The following CSMD1 variants were observed in gnomAD, a reference collection of about 807,000 sequenced individuals.
The protein encoded by CSMD1 is CUB and Sushi multiple domains 1, also known as CUB and sushi domain-containing protein 1.
A neutral mutation model predicts 417.5 loss-of-function variants in CSMD1; 213 were observed. The ratio of observed to expected loss-of-function variants is 0.51; its 90% CI spans 0.46 to 0.57. CSMD1 has a LOEUF of 0.57. CSMD1 is among the 20% of genes least tolerant of loss of function. The probability of loss-of-function intolerance (pLI) is 0.00; values close to 1 mark genes in which losing one functional copy is unlikely to be tolerated. For missense variants in CSMD1, 6,923 were observed against 4,529.7 expected (o/e 1.53, Z -15.17); for synonymous variants, 2,862 against 1,736.8 (o/e 1.65, Z -16.11).
intron 2 of CSMD1, among the ~76,000 whole-genome samples, chr8:4,436,912 C>A (rs531492142): frequency 6.6e-6 from 1 of 152,138 alleles, no homozygotes; most frequent in African/African-American, 2.4e-5. Context: ...TTTATCCATT[C>A]ATCTGTTGAT....
chr8:4,963,119 G>C (rs1044661866), intron 1 of CSMD1, among the ~76,000 whole-genome samples: 1 of 152,160 alleles, frequency 6.6e-6, no homozygotes, highest in Non-Finnish European at 1.5e-5. Flanking sequence ...TATTTCCCAT[G>C]GGTGGCCCTC....
chr8:4,065,702 T>C (rs1027632426), intron 3 of CSMD1, among the ~76,000 whole-genome samples: 1 of 152,232 alleles, frequency 6.6e-6, no homozygotes, highest in East Asian at 1.9e-4. Context: ...GAACACCACA[T>C]GTATCTGTGC....
At chr8:4,908,027 T>C (rs1805413960) in intron 1 of CSMD1, among the ~76,000 whole-genome samples, 1 of 147,890 alleles carries the variant, frequency 6.8e-6, no homozygotes, top group African/African-American at 2.7e-5. Context: ...ATAATTACTT[T>C]TCTTCTGTGG....
chr8:4,047,195 T>C (rs3849820), intron 3 of CSMD1, among the ~76,000 whole-genome samples: 17,362 of 152,226 alleles, frequency 0.11, 1,521 homozygotes, highest in East Asian at 0.35. Context: ...CCAGATGCTC[T>C]GTAGTAACTC....
chr8:4,078,896 AATAT>A (rs1173719388), intron 3 of CSMD1, among the ~76,000 whole-genome samples: 1,141 of 42,608 alleles, frequency 0.027, 12 homozygotes, highest in African/African-American at 0.049. Flanking sequence ...AATAATAATA[AATAT>A]ATATATATAT....
intron 6 of CSMD1, among the ~76,000 whole-genome samples, chr8:3,738,877 T>G (rs923404734): frequency 1.3e-5 from 2 of 152,204 alleles, no homozygotes; most frequent in African/African-American, 2.4e-5. Flanking sequence ...GGCATTCATA[T>G]TTCATTCATA....
At chr8:4,002,417 T>A (rs1403327765) in intron 4 of CSMD1, among the ~76,000 whole-genome samples, 1 of 152,258 alleles carries the variant, frequency 6.6e-6, no homozygotes, top group African/African-American at 2.4e-5. Flanking sequence ...CTAACTAATA[T>A]GTTTGATGAG....
At chr8:3,453,755 G>C (rs565344428) in intron 12 of CSMD1, among the ~76,000 whole-genome samples, 83 of 152,270 alleles carry the variant, frequency 5.5e-4, no homozygotes, top group African/African-American at 2.0e-3. Flanking sequence ...TTTGGAATAG[G>C]TGTGGTATGG....
chr8:3,436,306 G>T (rs6984069), intron 12 of CSMD1, among the ~76,000 whole-genome samples: 1 of 151,944 alleles, frequency 6.6e-6, no homozygotes, highest in African/African-American at 2.4e-5. Context: ...GGTACAAAAA[G>T]GTGAGAAAGT....
At chr8:3,121,138 A>G (rs1585403610) in intron 41 of CSMD1, among the ~76,000 whole-genome samples, 3 of 152,282 alleles carry the variant, frequency 2.0e-5, no homozygotes, top group South Asian at 2.1e-4. Context: ...ATGAAATGTC[A>G]TATCTTTCAA....
At chr8:4,871,106 AGCTGGG>A (rs1365190616) in intron 1 of CSMD1, among the ~76,000 whole-genome samples, 1 of 152,132 alleles carries the variant, frequency 6.6e-6, no homozygotes, top group Non-Finnish European at 1.5e-5. Flanking sequence ...AGGAGGCAGT[AGCTGGG>A]GCTGGGAGAT....
intron 50 of CSMD1, among the ~76,000 whole-genome samples, chr8:3,037,531 T>A (rs1280842341): frequency 6.6e-6 from 1 of 152,152 alleles, no homozygotes; most frequent in Non-Finnish European, 1.5e-5. Flanking sequence ...ATATCTTTGC[T>A]ATTGCAAACT....
intron 30 of CSMD1, among the ~76,000 whole-genome samples, chr8:3,208,151 C>G (rs1457354853): frequency 6.6e-6 from 1 of 152,136 alleles, no homozygotes; most frequent in African/African-American, 2.4e-5. Context: ...TATCATTTTG[C>G]AAATGATCTT....
At chr8:4,131,326 G>A (rs1036794917) in intron 3 of CSMD1, among the ~76,000 whole-genome samples, 31 of 152,048 alleles carry the variant, frequency 2.0e-4, no homozygotes, top group Non-Finnish European at 2.9e-5. Flanking sequence ...GTCTGACTGT[G>A]CTTTCATCTT....
chr8:4,685,313 C>G (rs1426201835), intron 1 of CSMD1, among the ~76,000 whole-genome samples: 1 of 152,168 alleles, frequency 6.6e-6, no homozygotes. Context: ...TTGGCTCATG[C>G]CTGTAATCCC....
chr8:3,321,937 T>C (rs1806179708), intron 23 of CSMD1, among the ~76,000 whole-genome samples: 1 of 152,236 alleles, frequency 6.6e-6, no homozygotes, highest in Non-Finnish European at 1.5e-5. Context: ...CAGTATTATT[T>C]AGCAAACCTA....
At chr8:4,056,530 A>C (rs889070534) in intron 3 of CSMD1, among the ~76,000 whole-genome samples, 1 of 151,286 alleles carries the variant, frequency 6.6e-6, no homozygotes, top group Non-Finnish European at 1.5e-5. Context: ...ATTTAATTTC[A>C]ATTTTATTAT....
chr8:3,657,346 C>G (rs1585029096), intron 7 of CSMD1, among the ~76,000 whole-genome samples: 2 of 152,012 alleles, frequency 1.3e-5, no homozygotes, highest in South Asian at 2.1e-4. Flanking sequence ...ATATACCTCA[C>G]CAAGAAGTAA....
intron 5 of CSMD1, among the ~76,000 whole-genome samples, chr8:3,905,443 G>A (rs948085830): frequency 9.9e-5 from 15 of 152,212 alleles, no homozygotes; most frequent in Admixed American, 2.0e-4. Flanking sequence ...ACTGTGCAAT[G>A]TAAGACCCCC....
Sources: gnomAD v4.1 joint callset for allele counts (sites outside exome capture counted in the v4.1 genomes callset) on GRCh38, gnomAD v4.1.1 for gene constraint, MANE v1.5 for transcripts, NCBI Gene and HGNC (gene_info 2026-07-23, HGNC 2026-07-21) for gene names.